NCS1: variants seen among roughly 807,000 people sequenced by gnomAD.
The protein encoded by NCS1 is neuronal calcium sensor 1.
A neutral mutation model predicts 28.4 loss-of-function variants in NCS1; 6 were observed. That is an observed-to-expected ratio of 0.21 (90% CI 0.12 to 0.42). The LOEUF is 0.42. Among genes scored for constraint, NCS1 ranks in the 10% least tolerant of loss-of-function variants. The pLI is 1.00. For missense variants in NCS1, 131 were observed against 241.4 expected (o/e 0.54, Z 3.03); for synonymous variants, 86 against 99.3 (o/e 0.87, Z 0.79).
intron 3 of NCS1, among the ~76,000 whole-genome samples, 188 bp downstream of exon 3, chr9:130,218,158 A>C (rs1247471710): frequency 1.3e-5 from 2 of 152,212 alleles, no homozygotes; most frequent in Non-Finnish European, 2.9e-5. Context: ...GCAGACACAC[A>C]ATAAACACAG....
rs144219104 is a variant in NCS1 at position 130,193,431 on chromosome 9, C to T, written c.65-7527C>T. Among the ~76,000 whole-genome samples the T allele has an allele frequency of 4.1e-3, 626 of 152,094 alleles. 6 individuals are homozygous for T. The highest frequency in any genetic ancestry group is 0.013 in the African/African-American group (554 of 41,472). ...AGCAGCTGGGATGGTGTGGGGGCGA[C>T]GTCCAGCCAGCCCTGGACAGTGGGG... On this transcript the variant is annotated intron_variant, in intron 1 of 7. Coordinates refer to ENST00000372398, the MANE Select transcript of NCS1 (RefSeq NM_014286.4).
At chr9:130,176,186 C>T (rs797028660) in intron 1 of NCS1, among the ~76,000 whole-genome samples, 7 of 59,328 alleles carry the variant, frequency 1.2e-4, no homozygotes, top group Admixed American at 2.1e-4. Context: ...TTCTTTCTTT[C>T]TTTCTTTCTT....
chr9:130,211,650 C>T (rs944267334), intron 2 of NCS1, among the ~76,000 whole-genome samples: 1 of 152,046 alleles, frequency 6.6e-6, no homozygotes, highest in Non-Finnish European at 1.5e-5. Context: ...GTACCGAGCA[C>T]AGAGGCAGCT....
At position 130,229,758 on chromosome 9, in the gene NCS1, A is replaced by G. The variant is rs942079572; in HGVS notation, c.*18-3232A>G. 2.0e-5 allele frequency among the ~76,000 whole-genome samples: 3 copies of G among 152,084 alleles called. No homozygotes were observed. In the East Asian group the frequency reaches 5.8e-4, roughly 29 times the overall value. ...GCTGGGAAATGGCCTTCTTTCTTCT[A>G]TAGGGCTGTTCCTTGTGCCTACGCG... is the stretch of plus-strand genomic sequence containing the variant. On this transcript the variant is annotated intron_variant, in intron 7 of 7. Transcript: ENST00000372398.
chr9:130,182,791 C>T lies in NCS1; in HGVS notation c.64+10064C>T, dbSNP rs150764654. Among the ~76,000 whole-genome samples the T allele has an allele frequency of 1.4e-3, 211 of 152,354 alleles. 1 individual carries two copies. Among genetic ancestry groups the T allele is most frequent in the African/African-American group, 4.5e-3 (188 of 41,590 alleles). On this transcript the variant is annotated intron_variant, in intron 1 of 7. Transcript: ENST00000372398. Reference sequence around the variant, plus strand: ...CCCCTGCTCCTGGGAAGCCTTGTCACGGACAAGGTGGTGAGGACTGAGTGC... The same window carrying T: ...CCCCTGCTCCTGGGAAGCCTTGTCATGGACAAGGTGGTGAGGACTGAGTGC...
intron 1 of NCS1, among the ~76,000 whole-genome samples, chr9:130,188,072 C>T (rs1343135595): frequency 3.9e-5 from 6 of 152,238 alleles, no homozygotes; most frequent in African/African-American, 9.6e-5. Context: ...GGGGTGCCCC[C>T]GTTATTAGCC....
At chr9:130,223,406 A>G (rs1833367694) in intron 6 of NCS1, among the ~76,000 whole-genome samples, 1 of 150,998 alleles carries the variant, frequency 6.6e-6, no homozygotes, top group African/African-American at 2.4e-5. Flanking sequence ...TTTGCCATGG[A>G]CCCCTTTGGC....
intron 6 of NCS1, among the ~76,000 whole-genome samples, chr9:130,224,637 G>C (rs1268234328): frequency 6.6e-6 from 1 of 151,680 alleles, no homozygotes; most frequent in Non-Finnish European, 1.5e-5. Context: ...GGTGAGGATC[G>C]AAACCCACCT....
chr9:130,235,997 T>TC lies in NCS1; in HGVS notation c.*3025_*3026insC, dbSNP rs1833585718. 6.6e-6 allele frequency: 1 copy of TC among 152,296 alleles called. No homozygotes were observed. Among genetic ancestry groups the TC allele is most frequent in the African/African-American group, 2.4e-5 (1 of 41,464 alleles). 9.4% of individuals were successfully genotyped at this position (152,296 alleles called of 1,614,324 possible). On this transcript the variant is annotated 3_prime_UTR_variant, in exon 8 of 8. Transcript: ENST00000372398. Reference sequence around the variant, plus strand: ...GTGTTGATGGTGACTTAGGAGAATGTTCCGATTTTCCATGATCTAAGCAGG... The same window carrying TC: ...GTGTTGATGGTGACTTAGGAGAATGTCTCCGATTTTCCATGATCTAAGCAGG...
At chr9:130,198,887 CCAGCTGCCATCA>C (rs1346346439) in intron 1 of NCS1, among the ~76,000 whole-genome samples, 9 of 152,136 alleles carry the variant, frequency 5.9e-5, no homozygotes, top group East Asian at 3.9e-4. Flanking sequence ...CCCCACAGCC[CCAGCTGCCATCA>C]CAGCTGCCAT....
chr9:130,215,567 C>T lies in NCS1; in HGVS notation c.90-2265C>T, dbSNP rs1280517837. Among the ~76,000 whole-genome samples the T allele has an allele frequency of 1.3e-5, 2 of 152,168 alleles. No individual in the cohort carries two copies. Among genetic ancestry groups the T allele is most frequent in the Non-Finnish European group, 2.9e-5 (2 of 68,030 alleles). On this transcript the variant is annotated intron_variant, in intron 2 of 7. Transcript: ENST00000372398. The surrounding 1 kb of genome is among the most constrained non-coding windows in gnomAD (Gnocchi z 4.2). Reference sequence around the variant, plus strand: ...AGGGCAGAGGACAGGAGAGGCAGGGCGGGCTCCGAGTCTCACGCATTGCTG... The same window carrying T: ...AGGGCAGAGGACAGGAGAGGCAGGGTGGGCTCCGAGTCTCACGCATTGCTG...
At chr9:130,179,001 C>A (rs1312835801) in intron 1 of NCS1, among the ~76,000 whole-genome samples, 1 of 146,370 alleles carries the variant, frequency 6.8e-6, no homozygotes, top group Non-Finnish European at 1.5e-5. Flanking sequence ...GTGGCACGAT[C>A]TTGGCTTACT....
At position 130,181,834 on chromosome 9, in the gene NCS1, G is replaced by A. The variant is rs1832663020; in HGVS notation, c.64+9107G>A. ...CGTGAGTGACGGGGTCATGGCGTGT[G>A]TCAGGAGTGGGTGAGCCGGGCACTC... On this transcript the variant is annotated intron_variant, in intron 1 of 7. Coordinates refer to ENST00000372398, the MANE Select transcript of NCS1 (RefSeq NM_014286.4). The surrounding 1 kb of genome is among the most constrained non-coding windows in gnomAD (Gnocchi z 5.0). Among the ~76,000 whole-genome samples, 1 of 152,142 alleles carries A rather than the reference G, an allele frequency of 6.6e-6. No individual in the cohort carries two copies. Among genetic ancestry groups the A allele is most frequent in the African/African-American group, 2.4e-5 (1 of 41,428 alleles).
chr9:130,182,737 C>T (rs955661827), intron 1 of NCS1, among the ~76,000 whole-genome samples: 14 of 152,218 alleles, frequency 9.2e-5, no homozygotes, highest in Admixed American at 2.0e-4. Flanking sequence ...TTAGGAGCAA[C>T]GTACCGCCAT....
At chr9:130,229,229 C>G (rs1359070173) in intron 7 of NCS1, among the ~76,000 whole-genome samples, 1 of 151,320 alleles carries the variant, frequency 6.6e-6, no homozygotes, top group Non-Finnish European at 1.5e-5. Context: ...TAATTAAAAC[C>G]AATTTATAAA....
At chr9:130,220,984 T>A (rs7870069) in intron 4 of NCS1, among the ~76,000 whole-genome samples, 1 of 152,016 alleles carries the variant, frequency 6.6e-6, no homozygotes, top group Admixed American at 6.6e-5. Context: ...CAGCCACTGA[T>A]ACCTCGGCCC....
chr9:130,217,805 C>G (rs1554909596), intron 2 of NCS1, 27 bp from the exon 3 acceptor site: 1 of 1,614,034 alleles, frequency 6.2e-7, no homozygotes, highest in Non-Finnish European at 8.5e-7. Context: ...CTCCTTTACC[C>G]TCTCTGGCCC....
intron 4 of NCS1, among the ~76,000 whole-genome samples, chr9:130,221,268 C>T (rs968366648): frequency 1.8e-4 from 27 of 149,940 alleles, no homozygotes; most frequent in African/African-American, 6.6e-4. Context: ...AGATGATCCA[C>T]CCACCTTGGC....
rs567426052 is a variant in NCS1, at chr9:130,179,598, C to T, written c.64+6871C>T. ...TTTGATTAAAAATTGTTGAATTGCT[C>T]TCCAGAAAGGCTGTTCCAGTTTACA... On this transcript the variant is annotated intron_variant, in intron 1 of 7. Transcript: ENST00000372398. 1.7e-4 allele frequency among the ~76,000 whole-genome samples: 26 copies of T among 152,278 alleles called. 1 individual carries two copies. Among genetic ancestry groups the T allele is most frequent in the African/African-American group, 6.3e-4 (26 of 41,550 alleles).
Sources: allele counts gnomAD v4.1 joint callset (sites outside exome capture counted in the v4.1 genomes callset), GRCh38; gene constraint gnomAD v4.1.1; non-coding constraint Gnocchi (gnomAD v3.1); transcripts MANE v1.5; gene names NCBI Gene and HGNC (gene_info 2026-07-23, HGNC 2026-07-21).